RSRC1: variants seen among roughly 807,000 people sequenced by gnomAD.
The protein encoded by RSRC1 is arginine and serine rich coiled-coil 1.
RSRC1 carries 39 observed loss-of-function variants against 49.1 expected under a neutral mutation model. The observed-to-expected ratio is 0.79, with a 90% confidence interval of 0.61 to 1.04. The LOEUF is 1.04. Among genes scored for constraint, RSRC1 ranks in the 50% least tolerant of loss-of-function variants. RSRC1 has a pLI of 0.00. For synonymous variants in RSRC1, 143 were observed against 130.8 expected, an observed-to-expected ratio of 1.09 and a Z score of -0.63; for missense variants, 388 against 402.4, an observed-to-expected ratio of 0.96 and a Z score of 0.31.
At chr3:158,115,558 C>A (rs933180026) in intron 1 of RSRC1, among the ~76,000 whole-genome samples, 1 of 152,108 alleles carries the variant, frequency 6.6e-6, no homozygotes. Flanking sequence ...ATTTTGAAAT[C>A]TTCATGAATT....
chr3:158,147,515 CT>C (rs538854613), intron 3 of RSRC1, among the ~76,000 whole-genome samples: 5,720 of 149,944 alleles, frequency 0.038, 358 homozygotes, highest in African/African-American at 0.13. Context: ...AATAAATTTT[CT>C]TTTTTTTTTA....
intron 5 of RSRC1, among the ~76,000 whole-genome samples, chr3:158,324,418 T>C (rs1373584794): frequency 1.3e-5 from 2 of 152,158 alleles, no homozygotes; most frequent in African/African-American, 4.8e-5. Flanking sequence ...GTGTGTGATG[T>C]TCCCCTTCCT....
intron 7 of RSRC1, among the ~76,000 whole-genome samples, chr3:158,514,902 G>A (rs1740416315): frequency 6.6e-6 from 1 of 151,912 alleles, no homozygotes; most frequent in Non-Finnish European, 1.5e-5. Context: ...GATCTTTGTT[G>A]GTTTAAAGTC....
intron 6 of RSRC1, among the ~76,000 whole-genome samples, chr3:158,435,284 T>A (rs533326525): frequency 2.7e-4 from 41 of 151,976 alleles, no homozygotes; most frequent in African/African-American, 9.4e-4. Flanking sequence ...TTTTTAATAA[T>A]ATTAAATTTC....
chr3:158,463,023 G>A (rs992612776), intron 7 of RSRC1, among the ~76,000 whole-genome samples: 1 of 151,954 alleles, frequency 6.6e-6, no homozygotes, highest in African/African-American at 2.4e-5. Context: ...TTCTTGAATT[G>A]TTGCATGATG....
At chr3:158,353,995 C>CTTTTTTTTTTTTTTTTT (rs1230649090) in intron 5 of RSRC1, among the ~76,000 whole-genome samples, 1 of 96,302 alleles carries the variant, frequency 1.0e-5, no homozygotes, top group Admixed American at 1.4e-4. Context: ...GTTTCTTTTT[C>CTTTTTTTTTTTTTTTTT]TTTTTTTTTT....
chr3:158,191,738 G>T (rs1484852563), intron 3 of RSRC1, among the ~76,000 whole-genome samples: 1 of 151,924 alleles, frequency 6.6e-6, no homozygotes, highest in African/African-American at 2.4e-5. Context: ...ACTTATTTAA[G>T]GAATGAGGGA....
At chr3:158,437,225 G>A (rs369226213) in intron 6 of RSRC1, among the ~76,000 whole-genome samples, 4 of 151,672 alleles carry the variant, frequency 2.6e-5, no homozygotes. Context: ...GTAATATTTT[G>A]CTATTTGCTA....
chr3:158,364,908 G>A (rs1415404005), intron 6 of RSRC1, among the ~76,000 whole-genome samples: 3 of 150,740 alleles, frequency 2.0e-5, no homozygotes, highest in Admixed American at 6.6e-5. Flanking sequence ...GAGAGATTGG[G>A]AATGGGAATT....
intron 6 of RSRC1, among the ~76,000 whole-genome samples, chr3:158,356,829 AG>A (rs1731189289): frequency 6.6e-6 from 1 of 152,106 alleles, no homozygotes; most frequent in Admixed American, 6.5e-5. Context: ...TTTATTTCAT[AG>A]TTTTATTCAG....
At chr3:158,245,376 G>A (rs560757217) in intron 4 of RSRC1, among the ~76,000 whole-genome samples, 37 of 152,156 alleles carry the variant, frequency 2.4e-4, no homozygotes, top group Admixed American at 7.9e-4. Flanking sequence ...ATTTTGCTGC[G>A]GTCTGAGAGA....
chr3:158,114,435 C>T (rs1011503749), intron 1 of RSRC1, among the ~76,000 whole-genome samples: 3 of 152,152 alleles, frequency 2.0e-5, no homozygotes. Flanking sequence ...TAGCATGATG[C>T]CTCCAGCTTT....
At chr3:158,453,706 G>A (rs766174613) in intron 6 of RSRC1, among the ~76,000 whole-genome samples, 6 of 151,778 alleles carry the variant, frequency 4.0e-5, no homozygotes, top group African/African-American at 7.3e-5. Context: ...TAACCTTTTC[G>A]GGTTCTCTTC....
At chr3:158,439,847 G>A (rs1203729769) in intron 6 of RSRC1, among the ~76,000 whole-genome samples, 1 of 151,748 alleles carries the variant, frequency 6.6e-6, no homozygotes, top group Non-Finnish European at 1.5e-5. Flanking sequence ...AGGTTACAGT[G>A]TGATAGGACT....
chr3:158,319,382 C>T (rs907635878), intron 5 of RSRC1, among the ~76,000 whole-genome samples: 5 of 152,114 alleles, frequency 3.3e-5, no homozygotes, highest in African/African-American at 1.2e-4. Context: ...GAGGCCTCCC[C>T]AGCCATGCGG....
At chr3:158,147,267 A>C (rs1439417632) in intron 3 of RSRC1, among the ~76,000 whole-genome samples, 1 of 151,760 alleles carries the variant, frequency 6.6e-6, no homozygotes, top group African/African-American at 2.4e-5. Flanking sequence ...GTGAGACAGC[A>C]TCTTGCTCTG....
intron 3 of RSRC1, among the ~76,000 whole-genome samples, chr3:158,134,787 A>T (rs1203866040): frequency 6.6e-6 from 1 of 152,206 alleles, no homozygotes; most frequent in Non-Finnish European, 1.5e-5. Context: ...AAAGGTATTC[A>T]ATTAACTTTT....
intron 3 of RSRC1, among the ~76,000 whole-genome samples, chr3:158,187,444 T>C (rs1454548580): frequency 6.6e-6 from 1 of 152,058 alleles, no homozygotes; most frequent in East Asian, 1.9e-4. Context: ...CTTTGCATTC[T>C]CATAGCTCAA....
chr3:158,194,102 C>CACACACACACACAG (rs1553767155), intron 3 of RSRC1, among the ~76,000 whole-genome samples: 1 of 143,018 alleles, frequency 7.0e-6, no homozygotes, highest in African/African-American at 2.6e-5. Context: ...CACACACACA[C>CACACACACACACAG]AGAAAAGAAA....
Sources: gnomAD v4.1 joint callset for allele counts (sites outside exome capture counted in the v4.1 genomes callset) on GRCh38, gnomAD v4.1.1 for gene constraint, MANE v1.5 for transcripts, NCBI Gene and HGNC (gene_info 2026-07-23, HGNC 2026-07-21) for gene names.